Variants in POU2F1 observed in about 807,000 individuals in gnomAD.
POU2F1 encodes POU domain, class 2, transcription factor 1.
In POU2F1, 16 loss-of-function variants were observed where a neutral mutation model predicts 84.9. The ratio of observed to expected loss-of-function variants is 0.19; its 90% confidence interval spans 0.13 to 0.29. The LOEUF is 0.29. Ranked by LOEUF, POU2F1 falls within the 10% of genes least tolerant of loss-of-function variation. The pLI, the probability that POU2F1 is intolerant of heterozygous loss-of-function variation, is 1.00. For missense variants in POU2F1, 738 were observed against 942.6 expected, an observed-to-expected ratio of 0.78 and a Z score of 2.84; for synonymous variants, 368 against 368.3, an observed-to-expected ratio of 1.00 and a Z score of 0.01.
At chr1:167,331,024 C>T (rs181495494) in intron 1 of POU2F1, among the ~76,000 whole-genome samples, 85 of 152,160 alleles carry the variant, frequency 5.6e-4, no homozygotes, top group African/African-American at 1.9e-3. Flanking sequence ...CTAAGTTGTA[C>T]ACCTGTTCCT....
chr1:167,355,169 T>G (rs1658852718), intron 2 of POU2F1, among the ~76,000 whole-genome samples: 1 of 149,746 alleles, frequency 6.7e-6, no homozygotes, highest in East Asian at 1.9e-4. Flanking sequence ...TTCATTTTTC[T>G]TTCTTTTTTT....
rs776181073 is a variant in POU2F1, at chr1:167,399,355, C to T, written c.1439C>T (p.Pro480Leu). 4.3e-6 allele frequency: 7 copies of T among 1,611,696 alleles called. No homozygotes were observed. The highest frequency in any genetic ancestry group is 1.3e-5 in the African/African-American group (1 of 74,772). Residue 480 changes from proline to leucine, a missense_variant, in exon 12 of 16, where the codon CCA becomes CTA. Around this residue, in one of 4 missense-constraint regions of POU2F1, gnomAD observed 319 missense variants for 386.0 expected, o/e 0.83. Coordinates refer to ENST00000367866, the MANE Select transcript of POU2F1 (RefSeq NM_002697.4). ...SSPIKAIFPS[P>L]TSLVATTPSL... ...CCTATTAAAGCAATTTTCCCCAGCCCAACTTCACTGGTAAGAATAAAAAAT... is the reference window on the plus strand; with the variant it reads ...CCTATTAAAGCAATTTTCCCCAGCCTAACTTCACTGGTAAGAATAAAAAAT...
intron 1 of POU2F1, among the ~76,000 whole-genome samples, chr1:167,296,940 T>A (rs1031585707): frequency 1.3e-5 from 2 of 152,034 alleles, no homozygotes; most frequent in African/African-American, 2.4e-5. Context: ...TTATATGCTG[T>A]ATGGGAAGAC....
At position 167,273,223 on chromosome 1, in the gene POU2F1, A is replaced by T. The variant is rs767367179; in HGVS notation, c.61+52265A>T. 3.6e-4 allele frequency among the ~76,000 whole-genome samples: 55 copies of T among 152,316 alleles called. 1 individual carries two copies. The highest frequency in any genetic ancestry group is 6.6e-4 in the Non-Finnish European group (45 of 68,014). On this transcript the variant is annotated intron_variant, in intron 1 of 15. Transcript: ENST00000367866. ...CTGCCCCTGTGGCTCTACAGGGTAC[A>T]GCCCCTCGGCTGTCTTTACAGGCTG...
intron 1 of POU2F1, among the ~76,000 whole-genome samples, chr1:167,304,773 A>G (rs1278256253): frequency 1.3e-5 from 2 of 152,226 alleles, no homozygotes; most frequent in African/African-American, 4.8e-5. Context: ...GCAAGTCCAA[A>G]GGGATATTTT....
chr1:167,227,346 A>G (rs1648713295), intron 1 of POU2F1, among the ~76,000 whole-genome samples: 1 of 152,134 alleles, frequency 6.6e-6, no homozygotes, highest in African/African-American at 2.4e-5. Context: ...TTATTATGGC[A>G]GGTTTCCCCC....
chr1:167,323,452 CAT>C (rs1192429169), intron 1 of POU2F1, among the ~76,000 whole-genome samples: 1 of 152,150 alleles, frequency 6.6e-6, no homozygotes, highest in Non-Finnish European at 1.5e-5. Context: ...AGACCAGAAA[CAT>C]GTCATTTCAA....
intron 7 of POU2F1, chr1:167,379,721 T>C (rs983224382): frequency 6.6e-6 from 1 of 152,214 alleles, no homozygotes; most frequent in Admixed American, 6.5e-5. Flanking sequence ...GATTTGTTAA[T>C]TGCCAAAGCC....
chr1:167,227,685 T>G (rs746121906), intron 1 of POU2F1, among the ~76,000 whole-genome samples: 5 of 152,192 alleles, frequency 3.3e-5, no homozygotes, highest in Admixed American at 6.5e-5. Flanking sequence ...CCTGGTCCTA[T>G]GCCTGTAGTC....
intron 2 of POU2F1, among the ~76,000 whole-genome samples, chr1:167,337,671 C>T (rs1033882770): frequency 6.6e-6 from 1 of 150,894 alleles, no homozygotes; most frequent in African/African-American, 2.4e-5. Context: ...GACCCCATCT[C>T]TACCCTCACC....
At chr1:167,411,891 TGA>T in intron 13 of POU2F1, 66 bp from the exon 14 acceptor site, 1 of 1,430,658 alleles carries the variant, frequency 7.0e-7, no homozygotes, top group Non-Finnish European at 9.6e-7. Flanking sequence ...AGAGTTTGGC[TGA>T]GTAAAGCCAC....
At position 167,383,857 on chromosome 1, in the gene POU2F1, G is replaced by A. The variant is rs777185181; in HGVS notation, c.719G>A (p.Gly240Asp). 1 of 1,611,596 alleles carries A rather than the reference G, an allele frequency of 6.2e-7. No homozygotes were observed. ...IISQTPQGQQ[G>D]LLQAQNLLTQ... ...TGGATAACATGTTTTTCTTCTACAG[G>A]TCTCCTGCAAGCGCAAAATCTTCTA... The change falls in exon 8 of 16, where the codon GGT becomes GAT. Residue 240 changes from glycine (G) to aspartate (D), a missense_variant and splice_region_variant. This residue lies in a region of POU2F1 where 163 missense variants were observed against 214.4 expected (regional missense o/e 0.76). Coordinates refer to ENST00000367866, the MANE Select transcript of POU2F1 (RefSeq NM_002697.4).
At chr1:167,276,786 A>G (rs1652757187) in intron 1 of POU2F1, among the ~76,000 whole-genome samples, 1 of 152,198 alleles carries the variant, frequency 6.6e-6, no homozygotes, top group Admixed American at 6.5e-5. Context: ...GTCATCAAAT[A>G]AGGGTGGGAA....
intron 1 of POU2F1, among the ~76,000 whole-genome samples, chr1:167,328,158 A>C (rs1656831712): frequency 1.3e-5 from 2 of 152,238 alleles, no homozygotes; most frequent in Non-Finnish European, 2.9e-5. Flanking sequence ...CTTTGACAAT[A>C]GAGATTCTAA....
Position 167,412,205 on chromosome 1 carries a change from A to C in POU2F1, c.1802A>C (p.Gln601Pro), listed in dbSNP as rs1650017218. 1 of 1,612,354 alleles carries C rather than the reference A, an allele frequency of 6.2e-7. No individual in the cohort carries two copies. Among genetic ancestry groups the C allele is most frequent in the South Asian group, 1.1e-5 (1 of 90,810 alleles). ...GLQTAAAAAL[Q>P]GAAQLPANAS... ...CAAACAGCAGCAGCTGCTGCCCTTC[A>C]AGGAGCTGCACAGTTGCCAGCAAAT... The change falls in exon 14 of 16, where the codon CAA (glutamine) becomes CCA (proline). Residue 601 changes from glutamine to proline, a missense_variant. Coordinates refer to ENST00000367866, the MANE Select transcript of POU2F1 (RefSeq NM_002697.4).
At chr1:167,288,909 A>C (rs1466211460) in intron 1 of POU2F1, among the ~76,000 whole-genome samples, 1 of 152,212 alleles carries the variant, frequency 6.6e-6, no homozygotes, top group African/African-American at 2.4e-5. Context: ...ACCTGTGCTA[A>C]TCTTGGGGGA....
chr1:167,391,559 CTTTTTTTTTTTTTT>C (rs1175783404), intron 9 of POU2F1, among the ~76,000 whole-genome samples: 4 of 57,894 alleles, frequency 6.9e-5, no homozygotes, highest in Admixed American at 2.6e-4. Context: ...TTATATATAT[CTTTTTTTTTTTTTT>C]TTTTTTTTTT....
At position 167,420,931 on chromosome 1, in the gene POU2F1, C is replaced by T. The variant is rs1389809119; in HGVS notation, c.*5121C>T. 3.3e-5 allele frequency: 5 copies of T among 152,174 alleles called. No individual in the cohort carries two copies. The highest frequency in any genetic ancestry group is 1.2e-4 in the African/African-American group (5 of 41,430). 9.4% of individuals were successfully genotyped at this position (152,174 alleles called of 1,614,324 possible). On this transcript the variant is annotated 3_prime_UTR_variant, in exon 16 of 16. Coordinates refer to ENST00000367866, the MANE Select transcript of POU2F1 (RefSeq NM_002697.4). Reference sequence around the variant, plus strand: ...AAAGTTTGTTTATTAGAGTTGAAAACATTAAAAGATGACTGATACTAATGG... The same window carrying T: ...AAAGTTTGTTTATTAGAGTTGAAAATATTAAAAGATGACTGATACTAATGG...
chr1:167,283,920 A>C (rs1248297402), intron 1 of POU2F1, among the ~76,000 whole-genome samples: 2 of 152,212 alleles, frequency 1.3e-5, no homozygotes, highest in African/African-American at 2.4e-5. Context: ...TTATCCCTAC[A>C]GTAAACAAAT....
Sources: gnomAD v4.1 joint callset for allele counts (sites outside exome capture counted in the v4.1 genomes callset) on GRCh38, gnomAD v4.1.1 for gene constraint, gnomAD v4.1.1 regional missense constraint, MANE v1.5 for transcripts, NCBI Gene and HGNC (gene_info 2026-07-23, HGNC 2026-07-21) for gene names.